HIBCH: variants seen among roughly 807,000 people sequenced by gnomAD.
The protein encoded by HIBCH is 3-hydroxyisobutyryl-CoA hydrolase, mitochondrial.
In HIBCH, 50 loss-of-function variants were observed where a neutral mutation model predicts 58.2. That is an observed-to-expected ratio of 0.86 (90% CI 0.68 to 1.09). The LOEUF (loss-of-function observed/expected upper bound fraction) is 1.09. Among genes scored for constraint, HIBCH ranks in the 50% least tolerant of loss-of-function variants. The pLI is 0.00. For missense variants in HIBCH, 450 were observed against 449.7 expected (o/e 1.00, Z -0.01); for synonymous variants, 151 against 146.9 (o/e 1.03, Z -0.20).
At chr2:190,220,664 G>C (rs1685690560) in intron 11 of HIBCH, among the ~76,000 whole-genome samples, 1 of 151,716 alleles carries the variant, frequency 6.6e-6, no homozygotes, top group South Asian at 2.1e-4. Context: ...TCTGCATACT[G>C]TGCTAACAGG....
At chr2:190,290,172 C>CCTGG (rs1687925495) in intron 5 of HIBCH, among the ~76,000 whole-genome samples, 1 of 152,196 alleles carries the variant, frequency 6.6e-6, no homozygotes, top group Non-Finnish European at 1.5e-5. Flanking sequence ...AGCCACCATG[C>CCTGG]CTGGCCTCAT....
intron 11 of HIBCH, among the ~76,000 whole-genome samples, chr2:190,218,170 CAGA>C (rs1292062356): frequency 1.3e-5 from 2 of 151,094 alleles, no homozygotes; most frequent in African/African-American, 4.9e-5. Flanking sequence ...TTGTCACAAG[CAGA>C]CAAATATCTA....
At chr2:190,226,831 A>C (rs181059751) in intron 11 of HIBCH, among the ~76,000 whole-genome samples, 8 of 152,138 alleles carry the variant, frequency 5.3e-5, no homozygotes, top group Admixed American at 4.6e-4. Flanking sequence ...CATTCACAAT[A>C]GCTTCAAAGA....
chr2:190,200,136 T>C (rs1457078901), downstream of HIBCH: 1 of 1,613,226 alleles, frequency 6.2e-7, no homozygotes, highest in Non-Finnish European at 8.5e-7. Context: ...ACATTGAGAG[T>C]GAGGGGCCTT....
intron 6 of HIBCH, among the ~76,000 whole-genome samples, chr2:190,283,742 CAA>C (rs1380632780): frequency 6.6e-6 from 1 of 152,118 alleles, no homozygotes; most frequent in Non-Finnish European, 1.5e-5. Flanking sequence ...AGAAAAGACA[CAA>C]TATTTTTAAG....
Position 190,246,183 on chromosome 2 carries a change from T to C in HIBCH, c.780A>G (p.Ile260Met). The change falls in exon 10 of 14, where the codon ATA (isoleucine) becomes ATG (methionine). Residue 260 changes from isoleucine to methionine, a missense_variant. Transcript: ENST00000359678. ...ESKIDRDKSF[I>M]LEEHMDKINS... ...TTATTTTGTCCATGTGTTCCTCAAG[T>C]ATAAAAGACTTGTCTCGATCAATCT... 1 of 1,594,208 alleles carries C rather than the reference T, an allele frequency of 6.3e-7. No homozygotes were observed. Among genetic ancestry groups the C allele is most frequent in the Non-Finnish European group, 8.6e-7 (1 of 1,162,798 alleles).
Position 190,304,499 on chromosome 2 carries a change from G to T in HIBCH, c.78+6255C>A, listed in dbSNP as rs547021458. On this transcript the variant is annotated intron_variant, in intron 2 of 13. Coordinates refer to ENST00000359678, the MANE Select transcript of HIBCH (RefSeq NM_014362.4). This position sits in a 1 kb window ranked among gnomAD's most constrained non-coding sequence, Gnocchi z 4.1. ...CAATTAATGGATTAATCCTTCGTGA[G>T]GACAGAGGCCTCGTGACCCAATCAC... Among the ~76,000 whole-genome samples, 1 of 152,214 alleles carries T rather than the reference G, an allele frequency of 6.6e-6. No individual in the cohort carries two copies. The highest frequency in any genetic ancestry group is 1.9e-4 in the East Asian group (1 of 5,180).
intron 1 of HIBCH, among the ~76,000 whole-genome samples, chr2:190,191,653 C>G (rs1689715641): frequency 6.6e-6 from 1 of 152,102 alleles, no homozygotes; most frequent in Admixed American, 6.5e-5. Context: ...TTATTTTTAC[C>G]CATTCTAACA....
downstream of HIBCH, chr2:190,201,109 T>C (rs1251433709): frequency 6.0e-6 from 1 of 167,032 alleles, no homozygotes; most frequent in Non-Finnish European, 1.5e-5. Flanking sequence ...GATAAAACTG[T>C]CCTTTGAGGA....
At chr2:190,248,629 AG>A (rs1686678122) in intron 9 of HIBCH, among the ~76,000 whole-genome samples, 1 of 152,168 alleles carries the variant, frequency 6.6e-6, no homozygotes, top group Non-Finnish European at 1.5e-5. Context: ...TGGGAAGCTG[AG>A]GAGGGTGGAT....
chr2:190,248,903 T>C (rs1039736741), intron 9 of HIBCH, among the ~76,000 whole-genome samples: 9 of 151,460 alleles, frequency 5.9e-5, no homozygotes, highest in Admixed American at 1.3e-4. Context: ...TAATAAATCC[T>C]CCTGTTTTTC....
chr2:190,244,922 G>T lies in HIBCH; in HGVS notation c.856C>A (p.Gln286Lys), dbSNP rs1417301066. ...TVEEIIENLQ[Q>K]DGSSFALEQL... ...TCTAGGGCAAAAGATGAACCATCTT[G>T]CTGTAAGTTTTCAATAATTTCTTCC... is the stretch of plus-strand genomic sequence containing the variant. Residue 286 changes from glutamine to lysine, a missense_variant, in exon 11 of 14, where the codon CAA (glutamine) becomes AAA (lysine). Transcript: ENST00000359678. 6.2e-7 allele frequency: 1 copy of T among 1,611,670 alleles called. No homozygotes were observed. The highest frequency in any genetic ancestry group is 8.5e-7 in the Non-Finnish European group (1 of 1,177,776).
intron 11 of HIBCH, among the ~76,000 whole-genome samples, chr2:190,226,722 C>T (rs958150069): frequency 2.6e-5 from 4 of 151,926 alleles, no homozygotes; most frequent in African/African-American, 4.8e-5. Context: ...TAAGCAACTT[C>T]AGCAAAGTCT....
At chr2:190,274,335 T>C (rs71434691) in intron 6 of HIBCH, among the ~76,000 whole-genome samples, 2 of 152,216 alleles carry the variant, frequency 1.3e-5, no homozygotes, top group Non-Finnish European at 2.9e-5. Flanking sequence ...AATAAGAACA[T>C]GTCTTCAATG....
intron 2 of HIBCH, among the ~76,000 whole-genome samples, chr2:190,301,616 A>G (rs1483310777): frequency 2.0e-5 from 3 of 152,246 alleles, no homozygotes; most frequent in Non-Finnish European, 2.9e-5. Flanking sequence ...AGAAATGTAC[A>G]TCACAAACAC....
At chr2:190,314,058 G>T (rs1028853261) in intron 1 of HIBCH, among the ~76,000 whole-genome samples, 2 of 151,902 alleles carry the variant, frequency 1.3e-5, no homozygotes, top group Non-Finnish European at 2.9e-5. Context: ...GTTCAAGAGG[G>T]TGTTGCCAGA....
intron 2 of HIBCH, among the ~76,000 whole-genome samples, chr2:190,309,051 T>C (rs966028992): frequency 1.1e-4 from 17 of 152,186 alleles, no homozygotes; most frequent in African/African-American, 3.4e-4. Flanking sequence ...TTTTGGAAAA[T>C]AGTACATACT....
intron 2 of HIBCH, among the ~76,000 whole-genome samples, chr2:190,300,426 C>T (rs77117294): frequency 2.8e-5 from 4 of 143,498 alleles, no homozygotes; most frequent in African/African-American, 1.0e-4. Flanking sequence ...TGATACTGAG[C>T]TTTTTTTTTT....
At position 190,215,739 on chromosome 2, in the gene HIBCH, C is replaced by T. The variant is rs573181387; in HGVS notation, c.892-2664G>A. 2.6e-5 allele frequency: 4 copies of T among 152,328 alleles called. No individual in the cohort carries two copies. The highest frequency in any genetic ancestry group is 2.1e-4 in the South Asian group (1 of 4,814). 9.4% of individuals were successfully genotyped at this position (152,328 alleles called of 1,614,324 possible). On this transcript the variant is annotated intron_variant, in intron 11 of 13. Transcript: ENST00000359678. This position sits in a 1 kb window ranked among gnomAD's most constrained non-coding sequence, Gnocchi z 4.4. ...AAGATAAAGGGGAGGAAACAGCAAA[C>T]GTAGAGGGCCAGAGAAAGAGTTAAG...
Sources: gnomAD v4.1 joint callset for allele counts (sites outside exome capture counted in the v4.1 genomes callset) on GRCh38, gnomAD v4.1.1 for gene constraint, Gnocchi (gnomAD v3.1) non-coding constraint, MANE v1.5 for transcripts, NCBI Gene and HGNC (gene_info 2026-07-23, HGNC 2026-07-21) for gene names.